Variants in SIDT2 observed in about 807,000 individuals in gnomAD.
SIDT2 encodes the protein SID1 transmembrane family, member 2.
A neutral mutation model predicts 114.4 loss-of-function variants in SIDT2; 68 were observed. That is an observed-to-expected ratio of 0.59 (90% CI 0.49 to 0.73). The LOEUF (loss-of-function observed/expected upper bound fraction) is 0.73, where lower values mean the gene tolerates loss of function less well. SIDT2 is among the 30% of genes least tolerant of loss of function. The probability of loss-of-function intolerance (pLI) is 0.00; values close to 1 mark genes in which losing one functional copy is unlikely to be tolerated. For synonymous variants in SIDT2, 470 were observed against 438.4 expected, an observed-to-expected ratio of 1.07 and a Z score of -0.90; for missense variants, 918 against 1,097.1, an observed-to-expected ratio of 0.84 and a Z score of 2.31.
At chr11:117,189,091 C>T (rs1000837687) in intron 13 of SIDT2, 78 bp from the exon 14 acceptor site, 2 of 1,469,352 alleles carry the variant, frequency 1.4e-6, no homozygotes, top group African/African-American at 2.8e-5. Context: ...AGGGAGGCCC[C>T]TCTTGTCCAC....
intron 23 of SIDT2, 126 bp from the exon 24 acceptor site, chr11:117,193,727 A>G: frequency 1.5e-6 from 1 of 660,352 alleles, no homozygotes; most frequent in Admixed American, 2.5e-5. Context: ...AATGGTATGA[A>G]TCCAAGGAGC....
At chr11:117,195,779 A>G in intron 24 of SIDT2, 23 bp from the exon 25 acceptor site, 1 of 1,613,580 alleles carries the variant, frequency 6.2e-7, no homozygotes, top group Non-Finnish European at 8.5e-7. Context: ...GTCATTCGGC[A>G]GTTTTTCTTG....
At chr11:117,186,357 G>T in intron 9 of SIDT2, 134 bp downstream of exon 9, 2 of 865,622 alleles carry the variant, frequency 2.3e-6, no homozygotes, top group South Asian at 3.1e-5. Flanking sequence ...GGCTGTTAGA[G>T]TCTGTGGCCC....
Position 117,182,737 on chromosome 11 carries a change from C to T in SIDT2, c.633C>T (p.Asp211=). 1 of 1,614,226 alleles carries T rather than the reference C, an allele frequency of 6.2e-7. No homozygotes were observed. Among genetic ancestry groups the T allele is most frequent in the Non-Finnish European group, 8.5e-7 (1 of 1,180,036 alleles). ...CCCCTCTGCAGTGTCCTGTCTATGA[C>T]CTGGACAACAACGTAGCCTTCATCG... ...SIQDVLCPVY[D]LDNNVAFIGM... The change falls in exon 6 of 26, where the codon GAC becomes GAT. Residue 211 remains aspartate, a synonymous_variant. Coordinates refer to ENST00000324225, the MANE Select transcript of SIDT2 (RefSeq NM_001040455.2).
Position 117,182,762 on chromosome 11 carries a change from G to GTA in SIDT2, c.658_659insTA (p.Gly220ValfsTer7). ...CCTGGACAACAACGTAGCCTTCATCGGCATGTACCAGACGATGACCAAGAA... is the reference window on the plus strand; with the variant it reads ...CCTGGACAACAACGTAGCCTTCATCGTAGCATGTACCAGACGATGACCAAGAA... On this transcript the variant is annotated frameshift_variant, in exon 6 of 26. Coordinates refer to ENST00000324225, the MANE Select transcript of SIDT2 (RefSeq NM_001040455.2). LOFTEE classifies it high-confidence loss of function. 6.2e-7 allele frequency: 1 copy of GTA among 1,614,132 alleles called. No individual in the cohort carries two copies. Among genetic ancestry groups the GTA allele is most frequent in the Non-Finnish European group, 8.5e-7 (1 of 1,180,018 alleles).
At position 117,181,809 on chromosome 11, in the gene SIDT2, T is replaced by A. The variant is rs772885911; in HGVS notation, c.308T>A (p.Phe103Tyr). 1 of 1,614,070 alleles carries A rather than the reference T, an allele frequency of 6.2e-7. No individual in the cohort carries two copies. The highest frequency in any genetic ancestry group is 8.5e-7 in the Non-Finnish European group (1 of 1,180,000). ...TATCTCCCTGCTTCGGGCCATAGGT[T>A]TCAGCGCAAGTACCTCTACCAAAAA... ...FQVPLILRGM[F>Y]QRKYLYQKVE... is the part of the protein sequence containing the mutation. The change falls in exon 3 of 26, where the codon TTT (phenylalanine) becomes TAT (tyrosine). Residue 103 changes from phenylalanine to tyrosine, a missense_variant and splice_region_variant. By Grantham distance (22) the Phe-to-Tyr change is conservative. This residue lies in a region of SIDT2 where 553 missense variants were observed against 600.1 expected (regional missense o/e 0.92). Coordinates refer to ENST00000324225, the MANE Select transcript of SIDT2 (RefSeq NM_001040455.2).
chr11:117,195,251 G>A (rs1314956815), intron 24 of SIDT2, among the ~76,000 whole-genome samples: 3 of 152,132 alleles, frequency 2.0e-5, no homozygotes, highest in South Asian at 4.1e-4. Context: ...GGTGGGGCAG[G>A]TCTTGGTTAT....
intron 1 of SIDT2, 22 bp downstream of exon 1, chr11:117,179,468 G>A (rs752202504): frequency 6.2e-7 from 1 of 1,600,148 alleles, no homozygotes; most frequent in Non-Finnish European, 8.5e-7. Flanking sequence ...GGGCTTAGGG[G>A]CCAGAGGCGA....
intron 10 of SIDT2, chr11:117,187,090 C>A: frequency 7.0e-7 from 1 of 1,438,148 alleles, no homozygotes; most frequent in Non-Finnish European, 9.3e-7. Flanking sequence ...GGCTCGTGGG[C>A]GGGCCAGTGT....
Position 117,190,779 on chromosome 11 carries a change from C to T in SIDT2, c.1735+39C>T, listed in dbSNP as rs566714552. 6.6e-7 allele frequency: 1 copy of T among 1,513,918 alleles called. No homozygotes were observed. Among genetic ancestry groups the T allele is most frequent in the Admixed American group, 1.7e-5 (1 of 59,812 alleles). 93.8% of individuals were successfully genotyped at this position (1,513,918 alleles called of 1,614,324 possible). On this transcript the variant is annotated intron_variant, in intron 18 of 25. Transcript: ENST00000324225. The surrounding 1 kb of genome is among the most constrained non-coding windows in gnomAD (Gnocchi z 4.1). ...CCTTCTTTTCTGGCTCAACCTACAG[C>T]AGGGACCTGCCTGAGTCCTTCACTA...
In SIDT2 at chr11:117,195,851, ACTT is replaced by A. The variant is rs1321628691; in HGVS notation, c.2376_2378del (p.Phe793del). ...CACAACCGGGACTGCATCCTCCTCG[ACTT>A]CTTTGACGACCACGACATCTGGCAC... On this transcript the variant is annotated inframe_deletion, in exon 25 of 26. Transcript: ENST00000324225. 1.9e-6 allele frequency: 3 copies of A among 1,613,932 alleles called. No homozygotes were observed. The highest frequency in any genetic ancestry group is 3.3e-5 in the Admixed American group (2 of 60,006).
At chr11:117,193,535 T>A (rs1414970927) in intron 23 of SIDT2, among the ~76,000 whole-genome samples, 6 of 151,902 alleles carry the variant, frequency 3.9e-5, no homozygotes, top group African/African-American at 1.5e-4. Context: ...GGAGGTAGGG[T>A]GTGGGCCTCT....
chr11:117,188,957 G>T lies in SIDT2; in HGVS notation c.1278+131G>T. On this transcript the variant is annotated intron_variant, in intron 13 of 25. Coordinates refer to ENST00000324225, the MANE Select transcript of SIDT2 (RefSeq NM_001040455.2). This position sits in a 1 kb window ranked among gnomAD's most constrained non-coding sequence, Gnocchi z 4.0. ...GAAGGGGCTCAGCTGGGGCAGGGCA[G>T]ATGCCGGGGAAACTAACCTGACCTC... is the stretch of plus-strand genomic sequence containing the variant. 9.4e-7 allele frequency: 1 copy of T among 1,068,824 alleles called. No individual in the cohort carries two copies. 66.2% of individuals were successfully genotyped at this position (1,068,824 alleles called of 1,614,324 possible).
chr11:117,192,743 G>A lies in SIDT2; in HGVS notation c.2059-77G>A. On this transcript the variant is annotated intron_variant, in intron 21 of 25. Coordinates refer to ENST00000324225, the MANE Select transcript of SIDT2 (RefSeq NM_001040455.2). The surrounding 1 kb of genome is among the most constrained non-coding windows in gnomAD (Gnocchi z 5.9). Reference sequence around the variant, plus strand: ...TGGGCTGAGGACCCAGGGGAGAGTGGGGACCAGCTGGCTGGGCCTTCTTCC... The same window carrying A: ...TGGGCTGAGGACCCAGGGGAGAGTGAGGACCAGCTGGCTGGGCCTTCTTCC... 3.1e-6 allele frequency: 5 copies of A among 1,611,238 alleles called. No individual in the cohort carries two copies. Among genetic ancestry groups the A allele is most frequent in the Non-Finnish European group, 4.2e-6 (5 of 1,177,952 alleles).
Position 117,188,751 on chromosome 11 carries a change from C to G in SIDT2, c.1203C>G (p.Ser401=). 1.9e-6 allele frequency: 3 copies of G among 1,614,212 alleles called. No homozygotes were observed. Among genetic ancestry groups the G allele is most frequent in the Non-Finnish European group, 2.5e-6 (3 of 1,180,032 alleles). The change falls in exon 13 of 26, where the codon TCC becomes TCG. Residue 401 remains serine (S), a synonymous_variant. Transcript: ENST00000324225. The surrounding 1 kb of genome is among the most constrained non-coding windows in gnomAD (Gnocchi z 4.0). ...EPVGTRPRVD[S]MSSVEEDDYD... is the part of the protein sequence containing the mutation. ...TAGGTACTCGGCCCCGAGTGGACTC[C>G]ATGAGCTCTGTGGAGGAGGATGACT...
At position 117,190,508 on chromosome 11, in the gene SIDT2, GAC is replaced by G. The variant is rs1265476511; in HGVS notation, c.1618-111_1618-110del. 1.3e-6 allele frequency: 1 copy of G among 783,852 alleles called. No homozygotes were observed. The highest frequency in any genetic ancestry group is 2.1e-5 in the African/African-American group (1 of 46,780). The allele number at this position is 783,852 out of a possible 1,614,324, so 48.6% of individuals were successfully genotyped here. A position where few individuals can be genotyped will look rare whatever the true frequency, so the allele number is the denominator to read the frequency against. ...AGCCCACCCCTGCACACCCACACTC[GAC>G]ACATACCCCACCCCTTTTCCTCTTC... On this transcript the variant is annotated intron_variant, in intron 17 of 25. Transcript: ENST00000324225. The surrounding 1 kb of genome is among the most constrained non-coding windows in gnomAD (Gnocchi z 4.1).
intron 25 of SIDT2, 24 bp downstream of exon 25, chr11:117,195,939 C>A: frequency 6.2e-7 from 1 of 1,614,224 alleles, no homozygotes. Context: ...CCGGCCGAGC[C>A]GGGTGGGTAC....
At chr11:117,189,840 C>G in intron 15 of SIDT2, 112 bp from the exon 16 acceptor site, 1 of 935,946 alleles carries the variant, frequency 1.1e-6, no homozygotes, top group East Asian at 2.4e-5. Flanking sequence ...GTATTCCCAC[C>G]TGCTAGCTGT....
At position 117,190,224 on chromosome 11, in the gene SIDT2, CTCA is replaced by C; in HGVS notation, c.1558_1560del (p.Ile520del). ...CATCCTGCTGGGGCTGCTTTTCCTG[CTCA>C]TCATCCTGCAACGGGAGATCAACCA... On this transcript the variant is annotated inframe_deletion, in exon 17 of 26. Transcript: ENST00000324225. The surrounding 1 kb of genome is among the most constrained non-coding windows in gnomAD (Gnocchi z 4.1). The C allele has an allele frequency of 6.3e-7, 1 of 1,579,876 alleles. No individual in the cohort carries two copies. The highest frequency in any genetic ancestry group is 8.6e-7 in the Non-Finnish European group (1 of 1,163,284).
Sources: gnomAD v4.1 joint callset for allele counts (sites outside exome capture counted in the v4.1 genomes callset) on GRCh38, gnomAD v4.1.1 for gene constraint, gnomAD v4.1.1 regional missense constraint, Gnocchi (gnomAD v3.1) non-coding constraint, MANE v1.5 for transcripts, NCBI Gene and HGNC (gene_info 2026-07-23, HGNC 2026-07-21) for gene names.